Variants in MCOLN2 observed in about 807,000 individuals in gnomAD.
MCOLN2 encodes mucolipin-2.
A neutral mutation model predicts 67.5 loss-of-function variants in MCOLN2; 57 were observed. That is an observed-to-expected ratio of 0.84 (90% CI 0.68 to 1.05). The LOEUF is 1.05. MCOLN2 is among the 50% of genes least tolerant of loss of function. The pLI, the probability that MCOLN2 is intolerant of heterozygous loss-of-function variation, is 0.00. For synonymous variants in MCOLN2, 246 were observed against 233.3 expected (o/e 1.05, Z -0.50); for missense variants, 620 against 678.8 (o/e 0.91, Z 0.96).
At chr1:84,928,728 A>G (rs889622012) in intron 13 of MCOLN2, among the ~76,000 whole-genome samples, 6 of 152,170 alleles carry the variant, frequency 3.9e-5, no homozygotes, top group African/African-American at 1.4e-4. Context: ...CTCATTTTCT[A>G]TTTACCAGAC....
At chr1:84,933,671 T>C (rs951817859) in intron 11 of MCOLN2, among the ~76,000 whole-genome samples, 2 of 152,218 alleles carry the variant, frequency 1.3e-5, no homozygotes, top group African/African-American at 2.4e-5. Context: ...TCTTTTGGAA[T>C]CCAGTCAACT....
chr1:84,981,138 C>T (rs879631002), intron 1 of MCOLN2, among the ~76,000 whole-genome samples: 6 of 151,996 alleles, frequency 3.9e-5, no homozygotes, highest in Admixed American at 3.9e-4. Flanking sequence ...GGCTTTTATC[C>T]AAAAGACAGG....
At chr1:84,938,483 T>C (rs1647564621) in intron 9 of MCOLN2, among the ~76,000 whole-genome samples, 1 of 152,242 alleles carries the variant, frequency 6.6e-6, no homozygotes, top group Non-Finnish European at 1.5e-5. Context: ...AACTCCAGCA[T>C]GATTTCCTAA....
At chr1:84,989,214 G>A (rs537058601) in intron 1 of MCOLN2, among the ~76,000 whole-genome samples, 1 of 152,248 alleles carries the variant, frequency 6.6e-6, no homozygotes, top group African/African-American at 2.4e-5. Flanking sequence ...AATCAATAAT[G>A]AGACATCAAT....
chr1:84,956,154 G>GAAA (rs10666635), intron 4 of MCOLN2, among the ~76,000 whole-genome samples: 77 of 149,380 alleles, frequency 5.2e-4, no homozygotes, highest in East Asian at 9.8e-4. Flanking sequence ...CCTTCATAGG[G>GAAA]AAAAAAAAAC....
At chr1:84,974,172 C>A (rs1381452429) in intron 1 of MCOLN2, among the ~76,000 whole-genome samples, 1 of 152,138 alleles carries the variant, frequency 6.6e-6, no homozygotes, top group East Asian at 1.9e-4. Context: ...CCACTGCAGG[C>A]TAAAGTGCTC....
chr1:84,938,007 A>G lies in MCOLN2; in HGVS notation c.1186T>C (p.Tyr396His), dbSNP rs1436415666. The G allele has an allele frequency of 6.2e-7, 1 of 1,614,124 alleles. No homozygotes were observed. Residue 396 changes from tyrosine to histidine, a missense_variant, in exon 10 of 14, where the codon TAC becomes CAC. By Grantham distance (83) the Tyr-to-His change is moderately conservative. Coordinates refer to ENST00000370608, the MANE Select transcript of MCOLN2 (RefSeq NM_153259.4). The stretch of plus-strand genomic sequence containing the variant: ...TTATATGCCTGGAAATAACCCAGGT[A>G]TCTGATGACTCCAACCCAAACCAAG... ...TLLVWVGVIRYLGYFQAYNVL... is the reference protein window; with the variant it reads ...TLLVWVGVIRHLGYFQAYNVL...
intron 4 of MCOLN2, among the ~76,000 whole-genome samples, chr1:84,954,033 C>A (rs1357768845): frequency 6.6e-6 from 1 of 152,240 alleles, no homozygotes; most frequent in Non-Finnish European, 1.5e-5. Context: ...TCCACAACTG[C>A]AACTCTTCAT....
At chr1:84,943,464 G>C (rs1431196548) in intron 7 of MCOLN2, among the ~76,000 whole-genome samples, 1 of 152,078 alleles carries the variant, frequency 6.6e-6, no homozygotes, top group Admixed American at 6.5e-5. Flanking sequence ...GAATGGGATG[G>C]AGCAGAAAGG....
intron 9 of MCOLN2, 32 bp from the exon 10 acceptor site, chr1:84,938,114 G>A (rs767781671): frequency 2.6e-6 from 4 of 1,511,914 alleles, no homozygotes; most frequent in Non-Finnish European, 2.7e-6. Flanking sequence ...AGAGAGAAAT[G>A]AGTAAAATAT....
intron 1 of MCOLN2, among the ~76,000 whole-genome samples, chr1:84,967,345 A>T (rs984737614): frequency 1.3e-5 from 2 of 152,200 alleles, no homozygotes; most frequent in Non-Finnish European, 2.9e-5. Flanking sequence ...AAGTATCTTG[A>T]TGGTAAGGGT....
At chr1:84,951,664 G>C (rs1648477732) in intron 6 of MCOLN2, among the ~76,000 whole-genome samples, 1 of 152,232 alleles carries the variant, frequency 6.6e-6, no homozygotes, top group Non-Finnish European at 1.5e-5. Flanking sequence ...TATTAGGAGA[G>C]TAGAAAGTCA....
chr1:84,965,224 G>A (rs1297747656), intron 2 of MCOLN2, among the ~76,000 whole-genome samples: 1 of 152,194 alleles, frequency 6.6e-6, no homozygotes, highest in Non-Finnish European at 1.5e-5. Flanking sequence ...TGCAGATTTT[G>A]GAAGTATATT....
At chr1:84,953,550 CAAA>C (rs138750958) in intron 4 of MCOLN2, among the ~76,000 whole-genome samples, 1,279 of 118,370 alleles carry the variant, frequency 0.011, 19 homozygotes, top group African/African-American at 0.036. Flanking sequence ...AACTCTATCT[CAAA>C]AAAAAAAAAA....
chr1:84,953,869 A>G (rs951748518), intron 4 of MCOLN2, among the ~76,000 whole-genome samples: 1 of 152,214 alleles, frequency 6.6e-6, no homozygotes, highest in African/African-American at 2.4e-5. Context: ...CAGAACTGGT[A>G]TGAAACCAGC....
intron 6 of MCOLN2, among the ~76,000 whole-genome samples, chr1:84,947,657 TCATA>T (rs1648189024): frequency 6.6e-6 from 1 of 152,220 alleles, no homozygotes; most frequent in Non-Finnish European, 1.5e-5. Flanking sequence ...TGCCGGGAGT[TCATA>T]CAGCCATGCT....
intron 1 of MCOLN2, among the ~76,000 whole-genome samples, chr1:84,983,507 G>A (rs1254879802): frequency 6.6e-6 from 1 of 151,578 alleles, no homozygotes; most frequent in African/African-American, 2.4e-5. Flanking sequence ...GGATGCAGAT[G>A]ATCCTTCCCC....
chr1:84,937,355 T>A, intron 11 of MCOLN2: 1 of 156,720 alleles, frequency 6.4e-6, no homozygotes, highest in Non-Finnish European at 1.4e-5. Flanking sequence ...TCTCTGCCCA[T>A]CTTCATTCTT....
intron 1 of MCOLN2, among the ~76,000 whole-genome samples, chr1:84,971,499 T>TACACACACACACACAC (rs71097870): frequency 7.6e-6 from 1 of 132,256 alleles, no homozygotes; most frequent in South Asian, 2.7e-4. Flanking sequence ...TAAACAGACA[T>TACACACACACACACAC]ACACACACAC....
Sources: allele counts gnomAD v4.1 joint callset (sites outside exome capture counted in the v4.1 genomes callset), GRCh38; gene constraint gnomAD v4.1.1; transcripts MANE v1.5; gene names NCBI Gene and HGNC (gene_info 2026-07-23, HGNC 2026-07-21).